Variants in IMMT observed in about 807,000 individuals in gnomAD.
IMMT encodes MICOS complex subunit MIC60.
IMMT carries 40 observed loss-of-function variants against 92.7 expected under a neutral mutation model. That is an observed-to-expected ratio of 0.43 (90% CI 0.34 to 0.56). The LOEUF is 0.56. Ranked by LOEUF, IMMT falls within the 20% of genes least tolerant of loss-of-function variation. The probability of loss-of-function intolerance (pLI) is 0.03; values close to 1 mark genes in which losing one functional copy is unlikely to be tolerated. For missense variants in IMMT, 831 were observed against 912.1 expected, an observed-to-expected ratio of 0.91 and a Z score of 1.14; for synonymous variants, 322 against 336.1, an observed-to-expected ratio of 0.96 and a Z score of 0.46.
chr2:86,166,648 A>T lies in IMMT; in HGVS notation c.656-4T>A. 2.0e-6 allele frequency: 1 copy of T among 509,958 alleles called. No individual in the cohort carries two copies. The highest frequency in any genetic ancestry group is 2.8e-6 in the Non-Finnish European group (1 of 350,880). The allele number at this position is 509,958 out of a possible 1,614,324, so 31.6% of individuals were successfully genotyped here. ...TCTTCTAAGCTCTTGGCTAGAGCTT[A>T]AAAAAAAAAAAGAACAGTTAAAAAA... is the stretch of plus-strand genomic sequence containing the variant. On this transcript the variant is annotated splice_polypyrimidine_tract_variant and splice_region_variant and intron_variant, in intron 6 of 14. Coordinates refer to ENST00000410111, the MANE Select transcript of IMMT (RefSeq NM_006839.3).
intron 3 of IMMT, among the ~76,000 whole-genome samples, chr2:86,176,652 G>A (rs961888426): frequency 1.3e-5 from 2 of 152,222 alleles, no homozygotes; most frequent in African/African-American, 4.8e-5. Context: ...AGCAGTGTAA[G>A]TGTGGAGGTG....
intron 3 of IMMT, among the ~76,000 whole-genome samples, chr2:86,177,455 T>G (rs1322237422): frequency 6.6e-6 from 1 of 151,710 alleles, no homozygotes; most frequent in Non-Finnish European, 1.5e-5. Context: ...AATGCAAAAA[T>G]TAGCTAGGCA....
intron 1 of IMMT, 96 bp from the exon 2 acceptor site, chr2:86,181,468 T>C: frequency 1.2e-6 from 1 of 809,560 alleles, no homozygotes. Context: ...ATTAAAAATG[T>C]CTTCATTAAA....
intron 3 of IMMT, among the ~76,000 whole-genome samples, chr2:86,175,313 G>T (rs1677358859): frequency 6.6e-6 from 1 of 151,752 alleles, no homozygotes; most frequent in African/African-American, 2.4e-5. Context: ...ATTCTTACTA[G>T]ATTTGTGTAT....
rs1341198353 is a variant in IMMT at position 86,172,946 on chromosome 2, T to C, written c.421+704A>G. Among the ~76,000 whole-genome samples the C allele has an allele frequency of 3.3e-5, 5 of 152,294 alleles. No individual in the cohort carries two copies. The Middle Eastern group carries it at 0.01, about 311-fold the overall frequency. On this transcript the variant is annotated intron_variant, in intron 4 of 14. Coordinates refer to ENST00000410111, the MANE Select transcript of IMMT (RefSeq NM_006839.3). ...CCCACAATGTCTGACATCCTATACG[T>C]TTTACTTGTTTATTTCCTCTCCGCA...
chr2:86,147,856 T>A, intron 12 of IMMT, 23 bp from the exon 13 acceptor site: 2 of 1,609,296 alleles, frequency 1.2e-6, no homozygotes, highest in Non-Finnish European at 1.7e-6. Context: ...ACATAGTAGT[T>A]ATTAGTTTTC....
rs187792384 is a variant in IMMT, at chr2:86,154,199, G to A, written c.1163-625C>T. On this transcript the variant is annotated intron_variant, in intron 10 of 14. Coordinates refer to ENST00000410111, the MANE Select transcript of IMMT (RefSeq NM_006839.3). The stretch of plus-strand genomic sequence containing the variant: ...TTCTTTTTTTTTTTTTTGAGACAGA[G>A]TCTCGCTCTGTCGCCCAGGCTGGAG... Among the ~76,000 whole-genome samples the A allele has an allele frequency of 2.6e-3, 362 of 141,000 alleles. 4 individuals carry two copies. Among genetic ancestry groups the A allele is most frequent in the African/African-American group, 8.9e-3 (338 of 37,910 alleles). 92.5% of individuals were successfully genotyped at this position (141,000 alleles called of 152,430 possible). A position where few individuals can be genotyped will look rare whatever the true frequency, so the allele number is the denominator to read the frequency against.
chr2:86,192,314 T>C (rs929154476), intron 1 of IMMT, among the ~76,000 whole-genome samples: 4 of 152,054 alleles, frequency 2.6e-5, no homozygotes, highest in Admixed American at 1.3e-4. Flanking sequence ...ATCTATGGGA[T>C]GTTTAAAGGG....
intron 1 of IMMT, among the ~76,000 whole-genome samples, chr2:86,188,815 G>A (rs1308566511): frequency 1.3e-5 from 2 of 152,014 alleles, no homozygotes; most frequent in East Asian, 1.9e-4. Context: ...TCAGATATGA[G>A]GGTCTAGTAT....
At position 86,174,066 on chromosome 2, in the gene IMMT, A is replaced by G. The variant is rs145494044; in HGVS notation, c.310-305T>C. Among the ~76,000 whole-genome samples the G allele has an allele frequency of 1.7e-3, 261 of 152,350 alleles. 1 individual carries two copies. The highest frequency in any genetic ancestry group is 6.8e-3 in the Middle Eastern group (2 of 294). ...TAAACACCATTGCTTGTACTTACAC[A>G]GTATTAAGAAGACTATTATCATTTC... On this transcript the variant is annotated intron_variant, in intron 3 of 14. Coordinates refer to ENST00000410111, the MANE Select transcript of IMMT (RefSeq NM_006839.3).
At chr2:86,195,013 C>T in intron 1 of IMMT, 1 of 330,378 alleles carries the variant, frequency 3.0e-6, no homozygotes, top group Non-Finnish European at 5.8e-6. Flanking sequence ...GAAAACCTAT[C>T]GCGCGCCCAA....
At chr2:86,153,600 T>TG (rs1675641811) in intron 10 of IMMT, 26 bp from the exon 11 acceptor site, 2 of 1,416,164 alleles carry the variant, frequency 1.4e-6, no homozygotes, top group East Asian at 5.0e-5. Context: ...TAGAACAGTT[T>TG]GAAAAAAAAG....
At chr2:86,190,767 A>T (rs943805580) in intron 1 of IMMT, among the ~76,000 whole-genome samples, 10 of 152,204 alleles carry the variant, frequency 6.6e-5, no homozygotes, top group African/African-American at 2.4e-4. Context: ...AGGCGGGCAG[A>T]TCACGACGTC....
At chr2:86,190,950 C>A (rs758011017) in intron 1 of IMMT, among the ~76,000 whole-genome samples, 1 of 152,134 alleles carries the variant, frequency 6.6e-6, no homozygotes, top group Non-Finnish European at 1.5e-5. Flanking sequence ...GATTGCACCA[C>A]TGCATTCCAG....
At chr2:86,161,951 C>T in intron 8 of IMMT, 25 bp downstream of exon 8, 1 of 1,502,068 alleles carries the variant, frequency 6.7e-7, no homozygotes, top group Non-Finnish European at 9.1e-7. Flanking sequence ...GCCCTAATTA[C>T]TTGTTAAAGT....
intron 13 of IMMT, among the ~76,000 whole-genome samples, chr2:86,146,845 C>T (rs1003303023): frequency 2.6e-5 from 4 of 152,180 alleles, no homozygotes; most frequent in African/African-American, 9.7e-5. Context: ...ACTGCAACCT[C>T]CACCTCCCAG....
intron 8 of IMMT, among the ~76,000 whole-genome samples, chr2:86,161,028 G>GT (rs1676232208): frequency 6.6e-6 from 1 of 150,864 alleles, no homozygotes; most frequent in African/African-American, 2.4e-5. Flanking sequence ...AGCCCGGGAG[G>GT]TTGAGGCTAT....
chr2:86,185,875 G>C (rs1477383130), intron 1 of IMMT, among the ~76,000 whole-genome samples: 1 of 152,122 alleles, frequency 6.6e-6, no homozygotes, highest in African/African-American at 2.4e-5. Context: ...GAGCCCAAAG[G>C]GTAGAACCAA....
chr2:86,153,583 G>C lies in IMMT; in HGVS notation c.1163-9C>G. 1 of 1,446,252 alleles carries C rather than the reference G, an allele frequency of 6.9e-7. No individual in the cohort carries two copies. 89.6% of individuals were successfully genotyped at this position (1,446,252 alleles called of 1,614,324 possible). On this transcript the variant is annotated splice_polypyrimidine_tract_variant and intron_variant, in intron 10 of 14. Coordinates refer to ENST00000410111, the MANE Select transcript of IMMT (RefSeq NM_006839.3). ...ACCTAAGTCTGAAACACCTACAAAG[G>C]AAAAAATAGAACAGTTTGAAAAAAA...
Sources: gnomAD v4.1 joint callset for allele counts (sites outside exome capture counted in the v4.1 genomes callset) on GRCh38, gnomAD v4.1.1 for gene constraint, MANE v1.5 for transcripts, NCBI Gene and HGNC (gene_info 2026-07-23, HGNC 2026-07-21) for gene names.